DPP10: variants seen among roughly 807,000 people sequenced by gnomAD.
DPP10 encodes the protein dipeptidyl peptidase like 10.
In DPP10, 33 loss-of-function variants were observed where a neutral mutation model predicts 120.9. The ratio of observed to expected loss-of-function variants is 0.27; its 90% CI spans 0.21 to 0.37. The LOEUF is 0.37. Ranked by LOEUF, DPP10 falls within the 10% of genes least tolerant of loss-of-function variation. DPP10 has a pLI of 1.00. For missense variants in DPP10, 816 were observed against 942.8 expected (o/e 0.87, Z 1.76); for synonymous variants, 337 against 326.1 (o/e 1.03, Z -0.36).
At chr2:115,547,335 T>A (rs1039134918) in intron 5 of DPP10, among the ~76,000 whole-genome samples, 3 of 152,192 alleles carry the variant, frequency 2.0e-5, no homozygotes, top group Non-Finnish European at 4.4e-5. Flanking sequence ...CTTCAAGATT[T>A]GTGCAAAAGT....
intron 1 of DPP10, among the ~76,000 whole-genome samples, chr2:115,012,785 A>G (rs549144026): frequency 6.6e-6 from 1 of 152,218 alleles, no homozygotes; most frequent in Admixed American, 6.5e-5. Context: ...CCAAAAGATC[A>G]TGCCAGCTCA....
At chr2:115,789,087 G>A (rs770272775) in intron 17 of DPP10, among the ~76,000 whole-genome samples, 3 of 151,596 alleles carry the variant, frequency 2.0e-5, no homozygotes, top group Non-Finnish European at 4.4e-5. Context: ...CACTGCACTC[G>A]AGCCTGGGCA....
At chr2:114,595,588 A>G (rs1691839739) in intron 1 of DPP10, among the ~76,000 whole-genome samples, 1 of 152,104 alleles carries the variant, frequency 6.6e-6, no homozygotes, top group Non-Finnish European at 1.5e-5. Flanking sequence ...GTTTTGTAAT[A>G]TTTTTGTCAT....
intron 1 of DPP10, among the ~76,000 whole-genome samples, chr2:114,947,097 T>G (rs984299541): frequency 6.6e-6 from 1 of 151,802 alleles, no homozygotes; most frequent in Admixed American, 6.6e-5. Flanking sequence ...TTTAACCACT[T>G]AAACCTAGAG....
chr2:115,527,327 TAAAAAC>T (rs1248340228), intron 5 of DPP10, among the ~76,000 whole-genome samples: 1 of 151,538 alleles, frequency 6.6e-6, no homozygotes. Flanking sequence ...AGGCAAAAAA[TAAAAAC>T]AAAAAGCCCA....
intron 2 of DPP10, among the ~76,000 whole-genome samples, chr2:115,332,809 TTC>T (rs1388556275): frequency 6.6e-6 from 1 of 152,210 alleles, no homozygotes; most frequent in Non-Finnish European, 1.5e-5. Context: ...ATAATTTCTG[TTC>T]TTTTACATTT....
chr2:114,916,117 A>T (rs1298838841), intron 1 of DPP10, among the ~76,000 whole-genome samples: 4 of 152,196 alleles, frequency 2.6e-5, no homozygotes, highest in African/African-American at 9.6e-5. Flanking sequence ...AATTCAAATA[A>T]ATGCAATCAG....
chr2:115,372,635 C>T (rs965600967), intron 3 of DPP10, among the ~76,000 whole-genome samples: 1 of 152,152 alleles, frequency 6.6e-6, no homozygotes, highest in East Asian at 1.9e-4. Context: ...GCTACTGATT[C>T]AGCAACTGAA....
At chr2:115,538,177 C>T (rs1253391983) in intron 5 of DPP10, among the ~76,000 whole-genome samples, 1 of 151,950 alleles carries the variant, frequency 6.6e-6, no homozygotes, top group Non-Finnish European at 1.5e-5. Context: ...TCCCTTGACA[C>T]AGATCCTGAA....
In DPP10 at chr2:115,622,839, T is replaced by G. The variant is rs530731222; in HGVS notation, c.442-66848T>G. On this transcript the variant is annotated intron_variant, in intron 5 of 25. Coordinates refer to ENST00000410059, the MANE Select transcript of DPP10 (RefSeq NM_020868.6). ...CCCCATTCGTTTATTCTTTTTTTTTTTTTTTTTGTTTTTTGTTTTTTGAGA... is the reference window on the plus strand; with the variant it reads ...CCCCATTCGTTTATTCTTTTTTTTTGTTTTTTTGTTTTTTGTTTTTTGAGA... Among the ~76,000 whole-genome samples, 1,338 of 137,130 alleles carry G rather than the reference T, an allele frequency of 9.8e-3. 21 individuals carry two copies. The highest frequency in any genetic ancestry group is 0.016 in the African/African-American group (610 of 39,296). The allele number at this position is 137,130 out of a possible 152,430, so 90.0% of individuals were successfully genotyped here.
chr2:115,295,918 G>T (rs548769068), intron 1 of DPP10, among the ~76,000 whole-genome samples: 4 of 152,216 alleles, frequency 2.6e-5, no homozygotes, highest in African/African-American at 9.6e-5. Context: ...GATTTTCAAA[G>T]AAGTTTATTA....
At position 115,827,442 on chromosome 2, in the gene DPP10, AT is replaced by A. The variant is rs1559209890; in HGVS notation, c.1951-8714del. On this transcript the variant is annotated intron_variant, in intron 21 of 25. Transcript: ENST00000410059. ...TATATATATATATATATATATATATATATATGCTCTACAGTGGTATACTTCT... is the reference window on the plus strand; with the variant it reads ...TATATATATATATATATATATATATAATATGCTCTACAGTGGTATACTTCT... Among the ~76,000 whole-genome samples, 807 of 143,704 alleles carry A rather than the reference AT, an allele frequency of 5.6e-3. 10 individuals are homozygous for A. Among genetic ancestry groups the A allele is most frequent in the African/African-American group, 0.019 (755 of 39,168 alleles). The allele number at this position is 143,704 out of a possible 152,430, so 94.3% of individuals were successfully genotyped here. A position where few individuals can be genotyped will look rare whatever the true frequency, so the allele number is the denominator to read the frequency against.
chr2:115,181,380 G>A (rs755105483), intron 1 of DPP10, among the ~76,000 whole-genome samples: 8 of 152,188 alleles, frequency 5.3e-5, no homozygotes, highest in Admixed American at 1.3e-4. Context: ...AGGTGGCTTG[G>A]TGGGCAGTGC....
chr2:115,005,288 G>T (rs1045594916), intron 1 of DPP10, among the ~76,000 whole-genome samples: 1 of 152,136 alleles, frequency 6.6e-6, no homozygotes, highest in Non-Finnish European at 1.5e-5. Context: ...AGAAAAACTG[G>T]AAACTCTAAA....
intron 1 of DPP10, among the ~76,000 whole-genome samples, chr2:114,608,963 A>G (rs1693056898): frequency 1.3e-5 from 2 of 152,156 alleles, no homozygotes; most frequent in African/African-American, 2.4e-5. Flanking sequence ...GTGTGATGGG[A>G]TAATTTGTAC....
rs139067831 is a variant in DPP10 at position 114,654,670 on chromosome 2, G to T, written c.60+211832G>T. 1.3e-3 allele frequency among the ~76,000 whole-genome samples: 193 copies of T among 151,780 alleles called. 1 individual carries two copies. The highest frequency in any genetic ancestry group is 4.4e-3 in the African/African-American group (184 of 41,380). Reference sequence around the variant, plus strand: ...ACTTTTTTTTTCTTTTGAAAATTTTGTAAGATCTGGCAGCATTGGGCCTTT... The same window carrying T: ...ACTTTTTTTTTCTTTTGAAAATTTTTTAAGATCTGGCAGCATTGGGCCTTT... On this transcript the variant is annotated intron_variant, in intron 1 of 25. Transcript: ENST00000410059.
intron 1 of DPP10, among the ~76,000 whole-genome samples, chr2:114,896,414 G>C (rs1008158533): frequency 6.6e-6 from 1 of 152,030 alleles, no homozygotes; most frequent in Non-Finnish European, 1.5e-5. Flanking sequence ...ATTTCCTTGA[G>C]CAGTGTTTTG....
intron 1 of DPP10, among the ~76,000 whole-genome samples, chr2:115,016,407 G>GAA (rs1274917563): frequency 6.6e-6 from 1 of 152,050 alleles, no homozygotes; most frequent in African/African-American, 2.4e-5. Flanking sequence ...AACCCTAGAA[G>GAA]AAAACCTAGG....
rs147492049 is a variant in DPP10 at position 114,610,923 on chromosome 2, G to A, written c.60+168085G>A. Among the ~76,000 whole-genome samples the A allele has an allele frequency of 4.2e-3, 636 of 151,024 alleles. 5 individuals carry two copies. Among genetic ancestry groups the A allele is most frequent in the African/African-American group, 0.015 (601 of 41,032 alleles). On this transcript the variant is annotated intron_variant, in intron 1 of 25. Transcript: ENST00000410059. ...GCCACCACCACCCCCCTTCTCCCAC[G>A]CACCCAGGCTGTGTTTTAGCAGGAC...
Sources: allele counts gnomAD v4.1 joint callset (sites outside exome capture counted in the v4.1 genomes callset), GRCh38; gene constraint gnomAD v4.1.1; transcripts MANE v1.5; gene names NCBI Gene and HGNC (gene_info 2026-07-23, HGNC 2026-07-21).